Variants in LRP1B observed in about 807,000 individuals in gnomAD.
LRP1B encodes the protein LDL receptor related protein 1B.
LRP1B carries 217 observed loss-of-function variants against 556.6 expected under a neutral mutation model. The ratio of observed to expected loss-of-function variants is 0.39; its 90% CI spans 0.35 to 0.44. LRP1B has a LOEUF of 0.44. Among genes scored for constraint, LRP1B ranks in the 20% least tolerant of loss-of-function variants. LRP1B has a pLI of 1.00. For synonymous variants in LRP1B, 2,047 were observed against 1,865.8 expected, an observed-to-expected ratio of 1.10 and a Z score of -2.50; for missense variants, 5,053 against 5,620.8, an observed-to-expected ratio of 0.90 and a Z score of 3.23.
intron 1 of LRP1B, among the ~76,000 whole-genome samples, chr2:141,904,704 C>T (rs1699707764): frequency 6.6e-6 from 1 of 151,832 alleles, no homozygotes; most frequent in Non-Finnish European, 1.5e-5. Flanking sequence ...TAGGAGGAAA[C>T]AAGCTCAGGT....
At chr2:140,515,760 T>C (rs1433495960) in intron 50 of LRP1B, among the ~76,000 whole-genome samples, 1 of 152,064 alleles carries the variant, frequency 6.6e-6, no homozygotes, top group East Asian at 1.9e-4. Flanking sequence ...TCTCTGTTAG[T>C]CTTGTTCAAA....
intron 5 of LRP1B, among the ~76,000 whole-genome samples, chr2:141,235,662 C>T (rs1381758515): frequency 2.0e-5 from 3 of 152,172 alleles, no homozygotes; most frequent in East Asian, 1.9e-4. Flanking sequence ...GGGTACAACA[C>T]GCATAACTGG....
chr2:140,532,404 T>G (rs553972896), intron 47 of LRP1B, among the ~76,000 whole-genome samples: 40 of 149,684 alleles, frequency 2.7e-4, no homozygotes, highest in African/African-American at 8.8e-4. Flanking sequence ...TTGGTTTTTT[T>G]GGGGGGTGGG....
intron 1 of LRP1B, among the ~76,000 whole-genome samples, chr2:141,958,824 C>A (rs1475495517): frequency 2.0e-5 from 3 of 151,960 alleles, no homozygotes; most frequent in Admixed American, 2.0e-4. Flanking sequence ...AAGGAAAACC[C>A]TGCTTTTCAT....
chr2:140,369,440 A>T (rs1682896350), intron 71 of LRP1B, among the ~76,000 whole-genome samples: 1 of 151,974 alleles, frequency 6.6e-6, no homozygotes, highest in South Asian at 2.1e-4. Context: ...CTTTGAACGC[A>T]AAAGTCGCAT....
chr2:141,596,084 G>C (rs1687501247), intron 2 of LRP1B, among the ~76,000 whole-genome samples: 1 of 151,758 alleles, frequency 6.6e-6, no homozygotes, highest in African/African-American at 2.4e-5. Context: ...TTGATATTTG[G>C]ATACCAACAG....
intron 63 of LRP1B, among the ~76,000 whole-genome samples, chr2:140,448,713 A>C (rs1573951399): frequency 6.6e-6 from 1 of 152,226 alleles, no homozygotes; most frequent in East Asian, 1.9e-4. Context: ...GGTTAAAAGT[A>C]ATATATTGCA....
chr2:140,496,488 A>G (rs1441210511), intron 55 of LRP1B, among the ~76,000 whole-genome samples: 1 of 152,126 alleles, frequency 6.6e-6, no homozygotes, highest in Non-Finnish European at 1.5e-5. Flanking sequence ...TTTTATCTTA[A>G]TAACTAAAAC....
chr2:140,269,705 T>G (rs1016742211), intron 86 of LRP1B, among the ~76,000 whole-genome samples: 2 of 151,892 alleles, frequency 1.3e-5, no homozygotes, highest in African/African-American at 2.4e-5. Context: ...AAATTCCAGA[T>G]TTTCTCAGGA....
intron 7 of LRP1B, among the ~76,000 whole-genome samples, chr2:141,117,699 A>G (rs370539004): frequency 6.6e-6 from 1 of 152,166 alleles, no homozygotes; most frequent in East Asian, 1.9e-4. Context: ...GTAAAATTGA[A>G]GAGCAATGCT....
At chr2:141,187,480 A>G (rs1481914886) in intron 7 of LRP1B, among the ~76,000 whole-genome samples, 1 of 152,066 alleles carries the variant, frequency 6.6e-6, no homozygotes, top group African/African-American at 2.4e-5. Flanking sequence ...TATTAAAACA[A>G]TAACAAGGAT....
intron 11 of LRP1B, among the ~76,000 whole-genome samples, chr2:141,028,649 G>A (rs1391794056): frequency 6.6e-6 from 1 of 151,952 alleles, no homozygotes; most frequent in African/African-American, 2.4e-5. Flanking sequence ...GATCTTAATT[G>A]TTTCTTATAT....
chr2:142,076,643 T>C (rs1705512978), intron 1 of LRP1B, among the ~76,000 whole-genome samples: 1 of 152,106 alleles, frequency 6.6e-6, no homozygotes, highest in Non-Finnish European at 1.5e-5. Flanking sequence ...TAGCTGCTTC[T>C]TCTTTAAAGT....
intron 35 of LRP1B, among the ~76,000 whole-genome samples, chr2:140,767,850 T>C (rs896043859): frequency 4.0e-5 from 6 of 151,822 alleles, no homozygotes; most frequent in Non-Finnish European, 8.8e-5. Context: ...CTAGTAAAAA[T>C]ACATGCATGT....
At chr2:140,914,431 G>A (rs1694514588) in intron 21 of LRP1B, among the ~76,000 whole-genome samples, 1 of 152,138 alleles carries the variant, frequency 6.6e-6, no homozygotes, top group Non-Finnish European at 1.5e-5. Context: ...TAACAGAAAT[G>A]ATATATTCTT....
intron 43 of LRP1B, among the ~76,000 whole-genome samples, chr2:140,595,090 ATATATATATATATATAT>A (rs1558992048): frequency 0.011 from 38 of 3,334 alleles, no homozygotes; most frequent in Admixed American, 0.066. Flanking sequence ...TAAATTGAAT[ATATATATATATATATAT>A]ATATATATAT....
chr2:141,866,921 AAAG>A (rs1302469587), intron 1 of LRP1B, among the ~76,000 whole-genome samples: 1 of 152,074 alleles, frequency 6.6e-6, no homozygotes, highest in African/African-American at 2.4e-5. Context: ...AAAAGGAAGG[AAAG>A]AAGATTTGAC....
chr2:140,272,733 T>G (rs2104948498), intron 85 of LRP1B, among the ~76,000 whole-genome samples: 1 of 152,150 alleles, frequency 6.6e-6, no homozygotes, highest in African/African-American at 2.4e-5. Flanking sequence ...AAAATGAACT[T>G]TAATCATCTA....
intron 84 of LRP1B, among the ~76,000 whole-genome samples, chr2:140,288,407 T>C (rs1683246666): frequency 6.6e-6 from 1 of 151,832 alleles, no homozygotes; most frequent in Admixed American, 6.6e-5. Flanking sequence ...GATTTCTGAC[T>C]CAGCATTTTT....
Sources: gnomAD v4.1 joint callset for allele counts (sites outside exome capture counted in the v4.1 genomes callset) on GRCh38, gnomAD v4.1.1 for gene constraint, MANE v1.5 for transcripts, NCBI Gene and HGNC (gene_info 2026-07-23, HGNC 2026-07-21) for gene names.